Variants in GJA8 observed in about 807,000 individuals in gnomAD.
The protein encoded by GJA8 is gap junction alpha-8 protein.
Under a neutral mutation model 15.3 loss-of-function variants are expected in GJA8, and 13 were observed. The ratio of observed to expected loss-of-function variants is 0.85; its 90% CI spans 0.55 to 1.35. GJA8 has a LOEUF of 1.35. Among genes scored for constraint, GJA8 ranks in the 40% most tolerant of loss-of-function variants. The pLI, the probability that GJA8 is intolerant of heterozygous loss-of-function variation, is 0.00. For synonymous variants in GJA8, 304 were observed against 238.7 expected, an observed-to-expected ratio of 1.27 and a Z score of -2.52; for missense variants, 607 against 553.3, an observed-to-expected ratio of 1.10 and a Z score of -0.97.
chr1:147,903,350 A>C (rs587666936), intron 1 of GJA8, among the ~76,000 whole-genome samples: 1 of 152,310 alleles, frequency 6.6e-6, no homozygotes, highest in Non-Finnish European at 1.5e-5. Context: ...AAGGACCATA[A>C]AATTCCTCCT....
At chr1:147,904,089 T>C (rs587593600) in intron 1 of GJA8, among the ~76,000 whole-genome samples, 1 of 152,080 alleles carries the variant, frequency 6.6e-6, no homozygotes, top group South Asian at 2.1e-4. Context: ...CCCACCACCG[T>C]GCCCAGCTAA....
At chr1:147,903,769 T>A (rs1243481707) in intron 1 of GJA8, among the ~76,000 whole-genome samples, 3 of 152,190 alleles carry the variant, frequency 2.0e-5, no homozygotes, top group African/African-American at 7.2e-5. Context: ...GTGACAATGA[T>A]AAAGTTAACA....
rs781890415 is a variant in GJA8 at position 147,909,117 on chromosome 1, T to C, written c.1162T>C (p.Ser388Pro). The C allele has an allele frequency of 3.1e-6, 5 of 1,613,706 alleles. No individual in the cohort carries two copies. In the African/African-American group the frequency reaches 6.7e-5, roughly 22 times the overall value. ...GGAGGGTGAAAAAGAAGAGCCGCAG[T>C]CGGAGAAGGTGTCAAAGCAAGGGCT... ...DKEGEKEEPQ[S>P]EKVSKQGLPA... Residue 388 changes from serine (S) to proline (P), a missense_variant, in exon 2 of 2, where the codon TCG becomes CCG. By Grantham distance (74) the Ser-to-Pro change is moderately conservative (BLOSUM62 -1). Coordinates refer to ENST00000369235, the MANE Select transcript of GJA8 (RefSeq NM_005267.5).
downstream of GJA8, among the ~76,000 whole-genome samples, chr1:147,910,482 G>T (rs1652071548): frequency 6.6e-6 from 1 of 152,162 alleles, no homozygotes; most frequent in Non-Finnish European, 1.5e-5. Context: ...CTGAAGCAAT[G>T]ATATGCTTTG....
chr1:147,909,392 G>A (rs1553243135), downstream of GJA8: 8 of 716,608 alleles, frequency 1.1e-5, no homozygotes, highest in Non-Finnish European at 1.5e-5. Context: ...CTGCAGCAGG[G>A]CAGTGCACTC....
At chr1:147,910,229 T>C (rs1553243306), downstream of GJA8, among the ~76,000 whole-genome samples, 1 of 152,244 alleles carries the variant, frequency 6.6e-6, no homozygotes, top group African/African-American at 2.4e-5. Flanking sequence ...AAATACAACA[T>C]GTGGACCAAA....
chr1:147,911,524 A>G (rs1255410363), downstream of GJA8, among the ~76,000 whole-genome samples: 12 of 152,218 alleles, frequency 7.9e-5, no homozygotes, highest in Admixed American at 4.6e-4. Context: ...GATGTTGAAT[A>G]GAAGAGGTAT....
chr1:147,905,951 C>T (rs1374144273), intron 1 of GJA8, among the ~76,000 whole-genome samples: 1 of 152,170 alleles, frequency 6.6e-6, no homozygotes, highest in East Asian at 1.9e-4. Flanking sequence ...CTTATGAGGC[C>T]TCAAGAGGAG....
At chr1:147,903,257 G>A (rs782292151) in intron 1 of GJA8, among the ~76,000 whole-genome samples, 10 of 152,172 alleles carry the variant, frequency 6.6e-5, no homozygotes, top group Non-Finnish European at 1.5e-4. Flanking sequence ...CATAATTACT[G>A]AATGCTGTGG....
At chr1:147,909,378 G>A (rs1571179725), downstream of GJA8, 1 of 783,194 alleles carries the variant, frequency 1.3e-6, no homozygotes, top group South Asian at 1.5e-5. Flanking sequence ...TGGTTGGACA[G>A]GCACTGCAGC....
At position 147,908,002 on chromosome 1, in the gene GJA8, A is replaced by T; in HGVS notation, c.47A>T (p.Glu16Val). Residue 16 changes from glutamate to valine, a missense_variant, in exon 2 of 2, where the codon GAG (glutamate) becomes GTG (valine). Physicochemically the swap from Glu to Val is moderately radical, Grantham distance 121. Transcript: ENST00000369235. ...FLGNILEEVN[E>V]HSTVIGRVWL... ...GGGAACATCTTGGAGGAGGTGAATG[A>T]GCACTCCACCGTCATCGGCAGAGTC... 2 of 1,613,758 alleles carry T rather than the reference A, an allele frequency of 1.2e-6. No homozygotes were observed. Among genetic ancestry groups the T allele is most frequent in the Non-Finnish European group, 1.7e-6 (2 of 1,179,656 alleles).
At position 147,908,254 on chromosome 1, in the gene GJA8, T is replaced by A. The variant is rs1387355300; in HGVS notation, c.299T>A (p.Val100Asp). Residue 100 changes from valine to aspartate, a missense_variant, in exon 2 of 2, where the codon GTC becomes GAC. Physicochemically the swap from Val to Asp is radical, Grantham distance 152. Transcript: ENST00000369235. ...LMYVGHAVHY[V>D]RMEEKRKSRE... ...TACGTGGGGCACGCGGTGCACTACG[T>A]CCGCATGGAGGAGAAGCGCAAAAGC... 6.2e-7 allele frequency: 1 copy of A among 1,614,130 alleles called. No homozygotes were observed. Among genetic ancestry groups the A allele is most frequent in the Admixed American group, 1.7e-5 (1 of 60,014 alleles).
chr1:147,903,596 C>T (rs1651686627), intron 1 of GJA8, among the ~76,000 whole-genome samples: 2 of 152,184 alleles, frequency 1.3e-5, no homozygotes, highest in Admixed American at 1.3e-4. Flanking sequence ...GCTCTGCCCT[C>T]ACTAGCTAAG....
Position 147,908,112 on chromosome 1 carries a change from G to T in GJA8, c.157G>T (p.Val53Leu), listed in dbSNP as rs782396294. The T allele has an allele frequency of 5.0e-6, 8 of 1,614,208 alleles. No individual in the cohort carries two copies. In the South Asian group the frequency reaches 7.7e-5, roughly 16 times the overall value. Residue 53 changes from valine (V) to leucine (L), a missense_variant, in exon 2 of 2, where the codon GTG (valine) becomes TTG (leucine). Coordinates refer to ENST00000369235, the MANE Select transcript of GJA8 (RefSeq NM_005267.5). ...GTGGGGGGATGAGCAATCCGACTTC[G>T]TGTGCAACACCCAGCAGCCTGGCTG... ...FVWGDEQSDF[V>L]CNTQQPGCEN...
intron 1 of GJA8, among the ~76,000 whole-genome samples, chr1:147,904,950 C>T (rs1019464568): frequency 8.5e-5 from 13 of 152,088 alleles, no homozygotes; most frequent in African/African-American, 2.4e-4. Flanking sequence ...TGGTCAGGAA[C>T]GACTTCTTGT....
downstream of GJA8, among the ~76,000 whole-genome samples, chr1:147,909,745 T>C (rs1652025849): frequency 6.6e-6 from 1 of 152,230 alleles, no homozygotes; most frequent in Admixed American, 6.5e-5. Flanking sequence ...AGGCCTGTTC[T>C]AATGCAAGGG....
chr1:147,911,543 T>C (rs1353268859), downstream of GJA8, among the ~76,000 whole-genome samples: 5 of 152,194 alleles, frequency 3.3e-5, no homozygotes, highest in Admixed American at 3.3e-4. Flanking sequence ...ATGTTTATCT[T>C]GGAGGCACGT....
chr1:147,909,039 G>C lies in GJA8; in HGVS notation c.1084G>C (p.Glu362Gln). ...EAERLTTEEQ[E>Q]KVAVPEGEKV... ...AGAGAGGCTGACCACGGAGGAGCAG[G>C]AGAAGGTGGCCGTGCCAGAGGGGGA... is the stretch of plus-strand genomic sequence containing the variant. Residue 362 changes from glutamate to glutamine, a missense_variant, in exon 2 of 2, where the codon GAG (glutamate) becomes CAG (glutamine). Physicochemically the swap from Glu to Gln is conservative, Grantham distance 29 (BLOSUM62 2). Coordinates refer to ENST00000369235, the MANE Select transcript of GJA8 (RefSeq NM_005267.5). 1 of 1,599,342 alleles carries C rather than the reference G, an allele frequency of 6.3e-7. No individual in the cohort carries two copies. The highest frequency in any genetic ancestry group is 8.5e-7 in the Non-Finnish European group (1 of 1,172,726).
chr1:147,914,141 C>A (rs587770176), downstream of GJA8, among the ~76,000 whole-genome samples: 1 of 152,266 alleles, frequency 6.6e-6, no homozygotes, highest in East Asian at 1.9e-4. Flanking sequence ...AAAGTAGCCA[C>A]CAAGTTGCAG....
Sources: allele counts gnomAD v4.1 joint callset (sites outside exome capture counted in the v4.1 genomes callset), GRCh38; gene constraint gnomAD v4.1.1; transcripts MANE v1.5; gene names NCBI Gene and HGNC (gene_info 2026-07-23, HGNC 2026-07-21).